PPFIBP1: variants seen among roughly 807,000 people sequenced by gnomAD.
PPFIBP1 encodes PPFIB scaffold protein 1.
In PPFIBP1, 112 loss-of-function variants were observed where a neutral mutation model predicts 137.8. The observed-to-expected ratio is 0.81, with a 90% CI of 0.70 to 0.95. The LOEUF (loss-of-function observed/expected upper bound fraction) is 0.95, where lower values mean the gene tolerates loss of function less well. Among genes scored for constraint, PPFIBP1 ranks in the 40% least tolerant of loss-of-function variants. The probability of loss-of-function intolerance (pLI) is 0.00; values close to 1 mark genes in which losing one functional copy is unlikely to be tolerated. For synonymous variants in PPFIBP1, 378 were observed against 417.3 expected (o/e 0.91, Z 1.15); for missense variants, 1,083 against 1,196.6 (o/e 0.91, Z 1.40).
At chr12:27,652,702 G>T (rs956665758) in intron 7 of PPFIBP1, among the ~76,000 whole-genome samples, 7 of 151,978 alleles carry the variant, frequency 4.6e-5, no homozygotes, top group African/African-American at 1.7e-4. Flanking sequence ...TTCTTTGCAC[G>T]AGCAAAGAAG....
At chr12:27,543,880 CT>C (rs35787446) in intron 1 of PPFIBP1, among the ~76,000 whole-genome samples, 300 of 105,774 alleles carry the variant, frequency 2.8e-3, no homozygotes, top group African/African-American at 9.2e-3. Flanking sequence ...CCCGCCCCTG[CT>C]TTTTTTTTTT....
At chr12:27,635,195 G>C (rs758890864) in intron 4 of PPFIBP1, 80 bp downstream of exon 4, 19 of 1,426,558 alleles carry the variant, frequency 1.3e-5, no homozygotes, top group Non-Finnish European at 1.9e-5. Flanking sequence ...TAGCTGATTA[G>C]AACAAGAAAA....
rs1447958524 is a variant in PPFIBP1, at chr12:27,656,716, A to C, written c.797A>C (p.Glu266Ala). 42 of 1,601,556 alleles carry C rather than the reference A, an allele frequency of 2.6e-5. No individual in the cohort carries two copies. In the East Asian group the frequency reaches 9.4e-4, roughly 36 times the overall value. ...LVCKMKGEGV[E>A]IVDRDENFKK... ...TGCAAGATGAAAGGAGAAGGGGTTGAAATTGTTGATAGAGGTAAGAAGATA... is the reference window on the plus strand; with the variant it reads ...TGCAAGATGAAAGGAGAAGGGGTTGCAATTGTTGATAGAGGTAAGAAGATA... The change falls in exon 9 of 30, where the codon GAA becomes GCA. Residue 266 changes from glutamate (E) to alanine (A), a missense_variant. By Grantham distance (107) the Glu-to-Ala change is moderately radical. Transcript: ENST00000228425.
chr12:27,662,260 C>T (rs555821325), intron 11 of PPFIBP1, among the ~76,000 whole-genome samples: 1 of 152,278 alleles, frequency 6.6e-6, no homozygotes, highest in South Asian at 2.1e-4. Context: ...GCAGTGCATG[C>T]TGGGATTGTG....
chr12:27,603,919 G>A (rs539938311), intron 2 of PPFIBP1, among the ~76,000 whole-genome samples: 24 of 152,318 alleles, frequency 1.6e-4, no homozygotes, highest in African/African-American at 5.5e-4. Context: ...TGTGGGGAAG[G>A]AGGAGAGACA....
intron 2 of PPFIBP1, among the ~76,000 whole-genome samples, chr12:27,587,555 G>A (rs527250860): frequency 5.4e-5 from 8 of 147,220 alleles, no homozygotes; most frequent in East Asian, 2.0e-4. Context: ...CCCGGGAGGC[G>A]GAGCTTGCAG....
chr12:27,616,267 A>G (rs1476396789), intron 2 of PPFIBP1, among the ~76,000 whole-genome samples: 1 of 149,316 alleles, frequency 6.7e-6, no homozygotes, highest in Non-Finnish European at 1.5e-5. Context: ...TTTTATCAGT[A>G]TATTTTGAGA....
chr12:27,645,981 A>G (rs1024817441), intron 4 of PPFIBP1, 81 bp from the exon 5 acceptor site: 1 of 1,075,478 alleles, frequency 9.3e-7, no homozygotes, highest in East Asian at 2.5e-5. Flanking sequence ...CCTTGGACTA[A>G]GAACACTTGT....
At chr12:27,566,062 T>A (rs2049632778) in intron 1 of PPFIBP1, among the ~76,000 whole-genome samples, 1 of 152,104 alleles carries the variant, frequency 6.6e-6, no homozygotes, top group South Asian at 2.1e-4. Context: ...ATCATGAAAT[T>A]TTTTTTTCCC....
In PPFIBP1 at chr12:27,667,210, T is replaced by C; in HGVS notation, c.1036T>C (p.Ser346Pro). Residue 346 changes from serine (S) to proline (P), a missense_variant, in exon 13 of 30, where the codon TCC becomes CCC. Coordinates refer to ENST00000228425, the MANE Select transcript of PPFIBP1 (RefSeq NM_003622.4). The part of the protein sequence containing the change: ...YEELLNSSSI[S>P]SLLDAQGFSD... ...AGAGCTGCTCAATTCCAGTTCCATC[T>C]CCTCTTTGCTGGATGCACAGGGTTT... is the stretch of plus-strand genomic sequence containing the variant. 1 of 1,612,358 alleles carries C rather than the reference T, an allele frequency of 6.2e-7. No individual in the cohort carries two copies. The highest frequency in any genetic ancestry group is 1.3e-5 in the African/African-American group (1 of 74,982).
At chr12:27,574,404 G>A (rs1045827415) in intron 1 of PPFIBP1, among the ~76,000 whole-genome samples, 7 of 152,072 alleles carry the variant, frequency 4.6e-5, no homozygotes, top group Non-Finnish European at 7.4e-5. Flanking sequence ...CTTTCTGAAG[G>A]GCCTGAACTT....
intron 2 of PPFIBP1, among the ~76,000 whole-genome samples, chr12:27,629,494 C>T (rs1442523668): frequency 6.6e-6 from 1 of 152,198 alleles, no homozygotes; most frequent in African/African-American, 2.4e-5. Context: ...AAGTATCATA[C>T]AGTACATGGT....
At chr12:27,554,220 A>C (rs1257261998) in intron 1 of PPFIBP1, among the ~76,000 whole-genome samples, 1 of 152,244 alleles carries the variant, frequency 6.6e-6, no homozygotes, top group Non-Finnish European at 1.5e-5. Flanking sequence ...AGTTACACTC[A>C]TCCCAACATC....
At chr12:27,540,237 G>A (rs905973239) in intron 1 of PPFIBP1, among the ~76,000 whole-genome samples, 1 of 119,538 alleles carries the variant, frequency 8.4e-6, no homozygotes, top group Non-Finnish European at 1.8e-5. Context: ...TTTTTTTTTT[G>A]TAGAGACTCT....
intron 17 of PPFIBP1, among the ~76,000 whole-genome samples, chr12:27,675,872 G>A (rs1423411710): frequency 1.3e-5 from 2 of 152,154 alleles, no homozygotes; most frequent in Non-Finnish European, 2.9e-5. Context: ...TGCTCACTGT[G>A]CCTTCATTTT....
intron 27 of PPFIBP1, among the ~76,000 whole-genome samples, chr12:27,690,734 C>A (rs2061484611): frequency 6.6e-6 from 1 of 152,152 alleles, no homozygotes; most frequent in Admixed American, 6.5e-5. Context: ...AAATCAAGTA[C>A]AGAAGAGAGG....
At chr12:27,644,034 T>C (rs998401541) in intron 4 of PPFIBP1, among the ~76,000 whole-genome samples, 1 of 151,394 alleles carries the variant, frequency 6.6e-6, no homozygotes, top group African/African-American at 2.4e-5. Flanking sequence ...GAAACATTGC[T>C]CTCATCTTGC....
At chr12:27,640,878 G>T (rs536040765) in intron 4 of PPFIBP1, among the ~76,000 whole-genome samples, 1 of 152,184 alleles carries the variant, frequency 6.6e-6, no homozygotes, top group Non-Finnish European at 1.5e-5. Context: ...GTTTGCATGC[G>T]TGGCAGAGGT....
At chr12:27,688,519 C>A in intron 26 of PPFIBP1, 96 bp downstream of exon 26, 2 of 1,434,792 alleles carry the variant, frequency 1.4e-6, no homozygotes, top group South Asian at 1.3e-5. Context: ...ATCCTAAAGT[C>A]ATCTGACTCA....
Sources: gnomAD v4.1 joint callset for allele counts (sites outside exome capture counted in the v4.1 genomes callset) on GRCh38, gnomAD v4.1.1 for gene constraint, MANE v1.5 for transcripts, NCBI Gene and HGNC (gene_info 2026-07-23, HGNC 2026-07-21) for gene names.